Variants in AKT3 observed in about 807,000 individuals in gnomAD.
AKT3 encodes RAC-gamma serine/threonine-protein kinase.
A neutral mutation model predicts 65.3 loss-of-function variants in AKT3; 15 were observed. The observed-to-expected ratio is 0.23, with a 90% CI of 0.15 to 0.35. AKT3 has a LOEUF of 0.35. Ranked by LOEUF, AKT3 falls within the 10% of genes least tolerant of loss-of-function variation. The pLI, the probability that AKT3 is intolerant of heterozygous loss-of-function variation, is 1.00. For synonymous variants in AKT3, 206 were observed against 183.8 expected (o/e 1.12, Z -0.98); for missense variants, 243 against 576.5 (o/e 0.42, Z 5.92).
At chr1:243,813,491 AAAAAAAAG>A (rs1286186737) in intron 2 of AKT3, among the ~76,000 whole-genome samples, 8 of 148,332 alleles carry the variant, frequency 5.4e-5, no homozygotes, top group Non-Finnish European at 8.9e-5. Context: ...ATGGAAATAA[AAAAAAAAG>A]AAAAAAAGTA....
intron 2 of AKT3, among the ~76,000 whole-genome samples, chr1:243,697,507 C>T (rs1685130424): frequency 6.6e-6 from 1 of 152,074 alleles, no homozygotes; most frequent in African/African-American, 2.4e-5. Context: ...GAACTTGAAA[C>T]TTTTAACAAT....
intron 11 of AKT3, among the ~76,000 whole-genome samples, chr1:243,545,917 G>A (rs1672636215): frequency 6.6e-6 from 1 of 152,162 alleles, no homozygotes; most frequent in African/African-American, 2.4e-5. Flanking sequence ...GCAGAGTGGG[G>A]AATGATAACG....
intron 2 of AKT3, among the ~76,000 whole-genome samples, chr1:243,739,039 T>C (rs553935151): frequency 1.3e-5 from 2 of 152,312 alleles, no homozygotes; most frequent in Non-Finnish European, 2.9e-5. Context: ...TAGATCACTC[T>C]CAAACCTTAT....
intron 12 of AKT3, among the ~76,000 whole-genome samples, chr1:243,530,990 T>C (rs1671485086): frequency 6.6e-6 from 1 of 152,254 alleles, no homozygotes; most frequent in African/African-American, 2.4e-5. Flanking sequence ...TATATGTATT[T>C]TCAAACATCT....
intron 2 of AKT3, among the ~76,000 whole-genome samples, chr1:243,703,955 A>T (rs909723961): frequency 6.6e-6 from 1 of 152,168 alleles, no homozygotes; most frequent in African/African-American, 2.4e-5. Flanking sequence ...TAAAAACCTG[A>T]ATTTTTAGGT....
intron 2 of AKT3, among the ~76,000 whole-genome samples, chr1:243,703,616 G>A (rs565757168): frequency 7.9e-5 from 12 of 151,778 alleles, no homozygotes; most frequent in East Asian, 1.9e-4. Flanking sequence ...AAAATTAGCC[G>A]GGCGTGGTGG....
At chr1:243,652,718 C>A (rs1201944613) in intron 4 of AKT3, among the ~76,000 whole-genome samples, 1 of 131,916 alleles carries the variant, frequency 7.6e-6, no homozygotes, top group Non-Finnish European at 1.6e-5. Flanking sequence ...TGCAAAGACA[C>A]ACACAGGCTC....
At chr1:243,635,668 G>A (rs984244267) in intron 6 of AKT3, among the ~76,000 whole-genome samples, 30 of 151,952 alleles carry the variant, frequency 2.0e-4, no homozygotes, top group African/African-American at 2.4e-5. Flanking sequence ...TAGTCCCAGA[G>A]TATTTCCTCT....
At chr1:243,628,859 T>C (rs1218438062) in intron 6 of AKT3, among the ~76,000 whole-genome samples, 1 of 152,222 alleles carries the variant, frequency 6.6e-6, no homozygotes, top group Non-Finnish European at 1.5e-5. Context: ...TGTACATTGT[T>C]CTCCTTGCAA....
chr1:243,758,015 G>A (rs147431246), intron 2 of AKT3, among the ~76,000 whole-genome samples: 68 of 152,118 alleles, frequency 4.5e-4, no homozygotes, highest in African/African-American at 1.5e-3. Context: ...CACCCGCCTC[G>A]GCCTCCCAAA....
chr1:243,690,728 A>C (rs1489145476), intron 3 of AKT3, among the ~76,000 whole-genome samples: 1 of 148,820 alleles, frequency 6.7e-6, no homozygotes, highest in African/African-American at 2.5e-5. Flanking sequence ...AAATGTTATA[A>C]TATAGGGGTG....
intron 2 of AKT3, among the ~76,000 whole-genome samples, chr1:243,752,874 A>G (rs1688895575): frequency 6.6e-6 from 1 of 152,116 alleles, no homozygotes; most frequent in African/African-American, 2.4e-5. Context: ...GTGTGGGGGG[A>G]AAGGAAGTTA....
At chr1:243,816,587 TACATG>T (rs1181539154) in intron 2 of AKT3, among the ~76,000 whole-genome samples, 2 of 151,904 alleles carry the variant, frequency 1.3e-5, no homozygotes, top group Non-Finnish European at 2.9e-5. Context: ...AAATGTAGGA[TACATG>T]ACTAGTAAAC....
Position 243,500,122 on chromosome 1 carries a change from T to C in AKT3, c.*5127A>G. On this transcript the variant is annotated 3_prime_UTR_variant, in exon 14 of 14. Transcript: ENST00000673466. ...GTTGTAATGTTTCCTTTTTATCTTG[T>C]AGTGATGAACAAAACACACCAAAAA... The C allele has an allele frequency of 2.8e-6, 1 of 352,952 alleles. No individual in the cohort carries two copies. The highest frequency in any genetic ancestry group is 5.2e-6 in the Non-Finnish European group (1 of 193,238). The allele number at this position is 352,952 out of a possible 1,614,324, so 21.9% of individuals were successfully genotyped here. A position where few individuals can be genotyped will look rare whatever the true frequency, so the allele number is the denominator to read the frequency against.
At chr1:243,574,950 A>G (rs758180839) in intron 8 of AKT3, among the ~76,000 whole-genome samples, 1 of 152,148 alleles carries the variant, frequency 6.6e-6, no homozygotes, top group Non-Finnish European at 1.5e-5. Flanking sequence ...AAGATTCTAG[A>G]TCTTTATTTA....
At chr1:243,845,923 T>A (rs1695501782) in intron 1 of AKT3, among the ~76,000 whole-genome samples, 1 of 152,170 alleles carries the variant, frequency 6.6e-6, no homozygotes, top group South Asian at 2.1e-4. Context: ...ATAAGGTCAC[T>A]TTAATTATCT....
At chr1:243,584,040 C>A (rs1315797690) in intron 8 of AKT3, among the ~76,000 whole-genome samples, 2 of 151,992 alleles carry the variant, frequency 1.3e-5, no homozygotes, top group Non-Finnish European at 2.9e-5. Context: ...AAAGTTGGTT[C>A]TTTGAAAGGA....
chr1:243,594,712 T>C (rs527278821), intron 8 of AKT3, among the ~76,000 whole-genome samples: 1 of 152,240 alleles, frequency 6.6e-6, no homozygotes, highest in East Asian at 1.9e-4. Flanking sequence ...ATGCTCCCAA[T>C]TCTGCCTTGC....
At chr1:243,673,999 C>T (rs1683333191) in intron 3 of AKT3, among the ~76,000 whole-genome samples, 1 of 152,142 alleles carries the variant, frequency 6.6e-6, no homozygotes, top group South Asian at 2.1e-4. Context: ...CAAGAATGTA[C>T]ATTAGATTGA....
Sources: allele counts gnomAD v4.1 joint callset (sites outside exome capture counted in the v4.1 genomes callset), GRCh38; gene constraint gnomAD v4.1.1; transcripts MANE v1.5; gene names NCBI Gene and HGNC (gene_info 2026-07-23, HGNC 2026-07-21).